Variants in RORA observed in about 807,000 individuals in gnomAD.
RORA encodes RAR related orphan receptor A.
A neutral mutation model predicts 69.5 loss-of-function variants in RORA; 7 were observed. The observed-to-expected ratio is 0.10, with a 90% CI of 0.06 to 0.19. RORA has a LOEUF of 0.19. RORA is among the 10% of genes least tolerant of loss of function. The pLI is 1.00. For synonymous variants in RORA, 261 were observed against 240.8 expected, an observed-to-expected ratio of 1.08 and a Z score of -0.78; for missense variants, 457 against 663.0, an observed-to-expected ratio of 0.69 and a Z score of 3.41.
At chr15:60,619,046 A>G (rs911947241) in intron 2 of RORA, among the ~76,000 whole-genome samples, 1 of 152,184 alleles carries the variant, frequency 6.6e-6, no homozygotes, top group African/African-American at 2.4e-5. Flanking sequence ...AAAGGTTAAA[A>G]CTTGTTCCTG....
At chr15:60,864,603 A>G (rs2073466376) in intron 1 of RORA, among the ~76,000 whole-genome samples, 1 of 152,150 alleles carries the variant, frequency 6.6e-6, no homozygotes, top group Non-Finnish European at 1.5e-5. Context: ...GGCTAGTTGA[A>G]GAGAAACGGA....
intron 1 of RORA, among the ~76,000 whole-genome samples, chr15:61,045,101 C>T (rs914822682): frequency 2.0e-4 from 31 of 152,198 alleles, no homozygotes; most frequent in African/African-American, 2.4e-5. Flanking sequence ...TGTCTCCACC[C>T]ACATCTCATC....
At chr15:60,719,714 TA>T (rs1443133959) in intron 1 of RORA, among the ~76,000 whole-genome samples, 2 of 152,180 alleles carry the variant, frequency 1.3e-5, no homozygotes, top group East Asian at 3.8e-4. Flanking sequence ...ATCAGACCCT[TA>T]AATTTTTAAA....
chr15:61,025,717 G>A (rs540090711), intron 1 of RORA, among the ~76,000 whole-genome samples: 64 of 152,222 alleles, frequency 4.2e-4, no homozygotes, highest in African/African-American at 1.4e-3. Flanking sequence ...GCTTATTAAC[G>A]TAAAGAATTA....
At chr15:60,586,988 C>T (rs935087744) in intron 2 of RORA, among the ~76,000 whole-genome samples, 7 of 152,140 alleles carry the variant, frequency 4.6e-5, no homozygotes, top group South Asian at 2.1e-4. Flanking sequence ...AAAACAAACA[C>T]GACAGCACTC....
chr15:61,110,174 G>A (rs552752914), intron 1 of RORA, among the ~76,000 whole-genome samples: 12 of 152,214 alleles, frequency 7.9e-5, no homozygotes, highest in East Asian at 1.9e-4. Flanking sequence ...CAAGGTGGGC[G>A]GATCACGAGG....
At chr15:60,558,231 G>C in intron 2 of RORA, 2 of 1,608,720 alleles carry the variant, frequency 1.2e-6, no homozygotes, top group Non-Finnish European at 1.7e-6. Context: ...TTACACAGAC[G>C]CCAGTAAGAA....
intron 1 of RORA, among the ~76,000 whole-genome samples, chr15:60,939,232 T>C (rs560131833): frequency 3.2e-4 from 49 of 152,248 alleles, no homozygotes; most frequent in Non-Finnish European, 5.0e-4. Flanking sequence ...TACAACAAAC[T>C]GCGACCTTGT....
intron 1 of RORA, among the ~76,000 whole-genome samples, chr15:60,807,388 C>T (rs1419308226): frequency 6.6e-6 from 1 of 152,100 alleles, no homozygotes; most frequent in Admixed American, 6.5e-5. Context: ...AAGACCTCTA[C>T]AAGAAAACTA....
chr15:61,153,387 A>G (rs1482455901), intron 1 of RORA, among the ~76,000 whole-genome samples: 2 of 152,184 alleles, frequency 1.3e-5, no homozygotes, highest in African/African-American at 2.4e-5. Context: ...AAATTTTACT[A>G]ATTATTACTA....
intron 1 of RORA, among the ~76,000 whole-genome samples, chr15:61,165,715 G>A (rs182925112): frequency 6.6e-6 from 1 of 152,096 alleles, no homozygotes; most frequent in Non-Finnish European, 1.5e-5. Context: ...AATGAAAGAG[G>A]GGCAAACAAC....
intron 2 of RORA, among the ~76,000 whole-genome samples, chr15:60,640,415 C>A (rs945518633): frequency 6.6e-6 from 1 of 152,092 alleles, no homozygotes; most frequent in African/African-American, 2.4e-5. Context: ...GTTTTTAAAC[C>A]CAGTGCAATC....
intron 1 of RORA, among the ~76,000 whole-genome samples, chr15:61,101,516 C>T (rs1233119103): frequency 2.0e-5 from 3 of 152,070 alleles, no homozygotes; most frequent in Non-Finnish European, 4.4e-5. Context: ...TAGAATTCAG[C>T]AGCAGGAAGG....
intron 1 of RORA, among the ~76,000 whole-genome samples, chr15:60,886,080 G>C (rs1292475068): frequency 1.3e-5 from 2 of 152,180 alleles, no homozygotes; most frequent in African/African-American, 4.8e-5. Context: ...TCAGCAAATA[G>C]AGGGAATCTT....
intron 2 of RORA, among the ~76,000 whole-genome samples, chr15:60,639,923 C>A (rs760850599): frequency 1.3e-5 from 2 of 152,150 alleles, no homozygotes; most frequent in East Asian, 3.9e-4. Flanking sequence ...GTAGAAGGAG[C>A]CCTACCCCAG....
At chr15:60,581,080 G>A (rs1240096337) in intron 2 of RORA, among the ~76,000 whole-genome samples, 1 of 152,188 alleles carries the variant, frequency 6.6e-6, no homozygotes, top group Non-Finnish European at 1.5e-5. Flanking sequence ...TCTTCAACAA[G>A]AGAAGCCCCA....
chr15:61,166,309 G>A (rs1022920647), intron 1 of RORA, among the ~76,000 whole-genome samples: 2 of 152,138 alleles, frequency 1.3e-5, no homozygotes, highest in African/African-American at 2.4e-5. Context: ...CCAAGCACCA[G>A]AAAGACACAG....
At chr15:60,573,144 G>A (rs573705809) in intron 2 of RORA, among the ~76,000 whole-genome samples, 6 of 152,124 alleles carry the variant, frequency 3.9e-5, no homozygotes, top group Non-Finnish European at 7.3e-5. Context: ...ACAATCCTCC[G>A]TCCTTTCATG....
rs34289911 is a variant in RORA, at chr15:60,522,770, T to TAAAA, written c.283-8017_283-8014dup. On this transcript the variant is annotated intron_variant, in intron 3 of 10. Coordinates refer to ENST00000335670, the MANE Select transcript of RORA (RefSeq NM_134261.3). The stretch of plus-strand genomic sequence containing the variant: ...GACAACAGAGTGAGACCCTGTGTCT[T>TAAAA]AAAAAAAAAAAAAAAAAAAGACCAG... Among the ~76,000 whole-genome samples the TAAAA allele has an allele frequency of 1.5e-3, 182 of 124,144 alleles. 1 individual carries two copies. Among genetic ancestry groups the TAAAA allele is most frequent in the African/African-American group, 5.5e-3 (175 of 31,848 alleles). The allele number at this position is 124,144 out of a possible 152,430, so 81.4% of individuals were successfully genotyped here. A position where few individuals can be genotyped will look rare whatever the true frequency, so the allele number is the denominator to read the frequency against.
Sources: gnomAD v4.1 joint callset for allele counts (sites outside exome capture counted in the v4.1 genomes callset) on GRCh38, gnomAD v4.1.1 for gene constraint, MANE v1.5 for transcripts, NCBI Gene and HGNC (gene_info 2026-07-23, HGNC 2026-07-21) for gene names.